Variants in PEX1 observed in about 807,000 individuals in gnomAD.
PEX1 encodes peroxisomal ATPase PEX1.
Under a neutral mutation model 152.5 loss-of-function variants are expected in PEX1, and 97 were observed. The observed-to-expected ratio is 0.64, with a 90% CI of 0.54 to 0.75. PEX1 has a LOEUF of 0.75. Among genes scored for constraint, PEX1 ranks in the 30% least tolerant of loss-of-function variants. The pLI, the probability that PEX1 is intolerant of heterozygous loss-of-function variation, is 0.00. For missense variants in PEX1, 1,357 were observed against 1,516.3 expected (o/e 0.89, Z 1.74); for synonymous variants, 485 against 531.6 (o/e 0.91, Z 1.21).
Position 92,493,059 on chromosome 7 carries a change from T to G in PEX1, c.3101A>C (p.His1034Pro). ...AAAGGAGTCAGTTACTGATGCTACA[T>G]GCTGAAGGTCAACATCATCTGCCAG... ...LPLADDVDLQ[H>P]VASVTDSFTG... Residue 1034 changes from histidine (H) to proline (P), a missense_variant, in exon 20 of 24, where the codon CAT becomes CCT. Physicochemically the swap from His to Pro is moderately conservative, Grantham distance 77. Coordinates refer to ENST00000248633, the MANE Select transcript of PEX1 (RefSeq NM_000466.3). 1 of 1,612,354 alleles carries G rather than the reference T, an allele frequency of 6.2e-7. No homozygotes were observed. Among genetic ancestry groups the G allele is most frequent in the Non-Finnish European group, 8.5e-7 (1 of 1,178,430 alleles).
chr7:92,526,356 AAACCATTGTTCC>A (rs1401436060), intron 1 of PEX1, among the ~76,000 whole-genome samples: 3 of 152,218 alleles, frequency 2.0e-5, no homozygotes, highest in African/African-American at 7.2e-5. Flanking sequence ...ATAGGCCAGA[AAACCATTGTTCC>A]AACCCTTCTT....
At chr7:92,523,466 C>T (rs1330546166) in intron 1 of PEX1, among the ~76,000 whole-genome samples, 3 of 151,760 alleles carry the variant, frequency 2.0e-5, no homozygotes, top group South Asian at 2.1e-4. Context: ...GGAATATAGG[C>T]ATACACCACC....
chr7:92,499,989 C>G, intron 15 of PEX1, 151 bp from the exon 16 acceptor site: 1 of 653,370 alleles, frequency 1.5e-6, no homozygotes, highest in Non-Finnish European at 2.6e-6. Context: ...GTAGAAAATA[C>G]AATTCCTACT....
At position 92,509,410 on chromosome 7, in the gene PEX1, A is replaced by C. The variant is rs1382692893; in HGVS notation, c.1589T>G (p.Val530Gly). 1 of 1,604,644 alleles carries C rather than the reference A, an allele frequency of 6.2e-7. No homozygotes were observed. Among genetic ancestry groups the C allele is most frequent in the East Asian group, 2.2e-5 (1 of 44,708 alleles). ...TTCTTTTACCATAGGATCTAGAAGGACCTACAGTTGCAAGGAAAAATCAGT... is the reference window on the plus strand; with the variant it reads ...TTCTTTTACCATAGGATCTAGAAGGCCCTACAGTTGCAAGGAAAAATCAGT... ...PNLLQKTTIQ[V>G]LLDPMVKEEN... The change falls in exon 9 of 24, where the codon GTC (valine) becomes GGC (glycine). Residue 530 changes from valine to glycine, a missense_variant and splice_region_variant. Transcript: ENST00000248633.
chr7:92,508,989 T>C (rs1585241015), intron 9 of PEX1, among the ~76,000 whole-genome samples: 1 of 152,236 alleles, frequency 6.6e-6, no homozygotes, highest in East Asian at 1.9e-4. Context: ...TATTCAAGCA[T>C]ATATGATCCA....
rs886062499 is a variant in PEX1, at chr7:92,487,216, A to G, written c.*241T>C. 7.2e-6 allele frequency: 2 copies of G among 279,528 alleles called. No individual in the cohort carries two copies. The highest frequency in any genetic ancestry group is 2.3e-4 in the South Asian group (2 of 8,518). 17.3% of individuals were successfully genotyped at this position (279,528 alleles called of 1,614,324 possible). ...CATTTGGCTAATATTATTTCATTAA[A>G]GACTGAATTTAGATTTTAGGAAATA... On this transcript the variant is annotated 3_prime_UTR_variant, in exon 24 of 24. Transcript: ENST00000248633.
In PEX1 at chr7:92,504,811, A is replaced by G. The variant is rs1264855030; in HGVS notation, c.1992T>C (p.Leu664=). Reference sequence around the variant, plus strand: ...CAGCAGGCAGTCCAGCAATGAGGTCAAGGTCATCCAGCAGGACAACAGATG... The same window carrying G: ...CAGCAGGCAGTCCAGCAATGAGGTCGAGGTCATCCAGCAGGACAACAGATG... ...MQPSVVLLDD[L]DLIAGLPAVP... The change falls in exon 12 of 24, where the codon CTT becomes CTC. Residue 664 remains leucine, a synonymous_variant. Coordinates refer to ENST00000248633, the MANE Select transcript of PEX1 (RefSeq NM_000466.3). The G allele has an allele frequency of 1.9e-6, 3 of 1,614,006 alleles. No homozygotes were observed. The East Asian group carries it at 6.7e-5, about 36-fold the overall frequency.
chr7:92,504,365 C>T (rs951497667), intron 12 of PEX1, among the ~76,000 whole-genome samples: 3 of 152,082 alleles, frequency 2.0e-5, no homozygotes, highest in Non-Finnish European at 2.9e-5. Context: ...TTATTAGTAT[C>T]GTTCTGCGCT....
intron 7 of PEX1, 104 bp from the exon 8 acceptor site, chr7:92,511,151 TTTC>T: frequency 4.3e-6 from 3 of 692,516 alleles, no homozygotes; most frequent in South Asian, 3.5e-5. Flanking sequence ...CTTTTTTTTT[TTTC>T]CCCCCAACAG....
At chr7:92,507,218 G>T in intron 9 of PEX1, 92 bp from the exon 10 acceptor site, 3 of 1,013,780 alleles carry the variant, frequency 3.0e-6, no homozygotes, top group Non-Finnish European at 2.9e-6. Flanking sequence ...TCCCAGTGTA[G>T]TTAATTAATT....
At chr7:92,528,246 G>C in intron 1 of PEX1, 61 bp downstream of exon 1, 1 of 1,540,942 alleles carries the variant, frequency 6.5e-7, no homozygotes, top group Non-Finnish European at 8.7e-7. Flanking sequence ...GCGTCCCTGA[G>C]AGGCTTCGGC....
At chr7:92,490,255 A>C (rs1168712175) in intron 21 of PEX1, 1 of 275,866 alleles carries the variant, frequency 3.6e-6, no homozygotes, top group Non-Finnish European at 6.9e-6. Context: ...TCTAAATAGA[A>C]TAAATTAAAA....
At chr7:92,496,861 G>A (rs1562850106) in intron 16 of PEX1, 84 bp from the exon 17 acceptor site, 3 of 850,456 alleles carry the variant, frequency 3.5e-6, no homozygotes, top group Non-Finnish European at 6.0e-6. Flanking sequence ...AATGAATCAT[G>A]GAAATCTTTA....
chr7:92,507,242 TATC>T, intron 9 of PEX1, 116 bp from the exon 10 acceptor site: 1 of 910,852 alleles, frequency 1.1e-6, no homozygotes, highest in Non-Finnish European at 1.6e-6. Flanking sequence ...TTTAATTTTT[TATC>T]TTTTTTTTTT....
At chr7:92,516,053 G>A (rs199868847) in intron 5 of PEX1, among the ~76,000 whole-genome samples, 939 of 77,690 alleles carry the variant, frequency 0.012, 11 homozygotes, top group East Asian at 0.077. Context: ...GAAGAGAAGA[G>A]AAAAAAGAAA....
chr7:92,487,864 C>T (rs1431918348), intron 23 of PEX1, among the ~76,000 whole-genome samples: 2 of 151,832 alleles, frequency 1.3e-5, no homozygotes, highest in Non-Finnish European at 2.9e-5. Context: ...TCAAAAGGGC[C>T]AAGTTTAGAA....
chr7:92,518,866 G>A, intron 3 of PEX1, 129 bp downstream of exon 3: 1 of 749,572 alleles, frequency 1.3e-6, no homozygotes, highest in East Asian at 2.7e-5. Flanking sequence ...TACTGTGCCT[G>A]GCCCCAATTC....
At position 92,490,129 on chromosome 7, in the gene PEX1, T is replaced by A; in HGVS notation, c.3439-218A>T. ...TATAGAACCACCATCAAGTGAAAAT[T>A]GCCATAACACAGGGTAGGTTTTTTT... On this transcript the variant is annotated intron_variant, in intron 21 of 23. Coordinates refer to ENST00000248633, the MANE Select transcript of PEX1 (RefSeq NM_000466.3). The A allele has an allele frequency of 1.6e-5, 9 of 580,008 alleles. No individual in the cohort carries two copies. The South Asian group carries it at 1.9e-4, about 12-fold the overall frequency. 35.9% of individuals were successfully genotyped at this position (580,008 alleles called of 1,614,324 possible).
chr7:92,505,308 G>A (rs1021821638), intron 11 of PEX1, among the ~76,000 whole-genome samples: 2 of 151,770 alleles, frequency 1.3e-5, no homozygotes, highest in Non-Finnish European at 2.9e-5. Context: ...AATTACTCGG[G>A]AGGTTGAGGC....
Sources: gnomAD v4.1 joint callset for allele counts (sites outside exome capture counted in the v4.1 genomes callset) on GRCh38, gnomAD v4.1.1 for gene constraint, MANE v1.5 for transcripts, NCBI Gene and HGNC (gene_info 2026-07-23, HGNC 2026-07-21) for gene names.